Variants in SLC24A5 observed in about 807,000 individuals in gnomAD.
The protein encoded by SLC24A5 is solute carrier family 24 member 5.
Under a neutral mutation model 51.6 loss-of-function variants are expected in SLC24A5, and 46 were observed. The observed-to-expected ratio is 0.89, with a 90% CI of 0.70 to 1.14. SLC24A5 has a LOEUF of 1.14. SLC24A5 is among the 50% of genes most tolerant of loss of function. The probability of loss-of-function intolerance (pLI) is 0.00; values close to 1 mark genes in which losing one functional copy is unlikely to be tolerated. For missense variants in SLC24A5, 581 were observed against 604.1 expected, an observed-to-expected ratio of 0.96 and a Z score of 0.40; for synonymous variants, 230 against 214.9, an observed-to-expected ratio of 1.07 and a Z score of -0.62.
chr15:48,136,702 C>A lies in SLC24A5; in HGVS notation c.610C>A (p.Leu204Ile), dbSNP rs755357663. Residue 204 changes from leucine to isoleucine, a missense_variant, in exon 6 of 9, where the codon CTT becomes ATT. By Grantham distance (5) the Leu-to-Ile change is conservative. Coordinates refer to ENST00000341459, the MANE Select transcript of SLC24A5 (RefSeq NM_205850.3). The part of the protein sequence containing the change: ...QVYWYEGALL[L>I]LIYGLYVLVL... ...TTGTAGGTATGAAGGGGCTTTACTG[C>A]TTTTGATATATGGATTGTATGTTTT... The A allele has an allele frequency of 5.0e-6, 8 of 1,609,574 alleles. No homozygotes were observed. Among genetic ancestry groups the A allele is most frequent in the Non-Finnish European group, 6.8e-6 (8 of 1,177,560 alleles).
chr15:48,141,261 G>T (rs1452856104), intron 8 of SLC24A5, 47 bp downstream of exon 8: 3 of 1,428,186 alleles, frequency 2.1e-6, no homozygotes, highest in Non-Finnish European at 3.0e-6. Flanking sequence ...TACAAGGCTA[G>T]AATGAGTAAA....
chr15:48,126,963 G>A (rs987617424), intron 2 of SLC24A5, among the ~76,000 whole-genome samples: 2 of 152,002 alleles, frequency 1.3e-5, no homozygotes, highest in Admixed American at 6.6e-5. Flanking sequence ...GAGAATCCCC[G>A]GACAGCTGGA....
chr15:48,125,976 A>T (rs1252235199), intron 2 of SLC24A5, among the ~76,000 whole-genome samples: 1 of 152,178 alleles, frequency 6.6e-6, no homozygotes, highest in East Asian at 1.9e-4. Context: ...GAAGACTAGA[A>T]GAGGCTCAGG....
intron 2 of SLC24A5, 22 bp from the exon 3 acceptor site, chr15:48,134,236 C>G: frequency 6.2e-7 from 1 of 1,603,498 alleles, no homozygotes; most frequent in Non-Finnish European, 8.5e-7. Context: ...TTAGGCATAA[C>G]AATCATTTCA....
rs752016920 is a variant in SLC24A5 at position 48,142,186 on chromosome 15, C to T, written c.1338C>T (p.Asn446=). The T allele has an allele frequency of 6.2e-7, 1 of 1,613,836 alleles. No individual in the cohort carries two copies. The highest frequency in any genetic ancestry group is 1.1e-5 in the South Asian group (1 of 91,078). Residue 446 remains asparagine (N), a synonymous_variant, in exon 9 of 9, where the codon AAC becomes AAT. Coordinates refer to ENST00000341459, the MANE Select transcript of SLC24A5 (RefSeq NM_205850.3). ...RGLTYITISL[N]ISIIFLFLAV... is the part of the protein sequence containing the mutation. ...TAACTTACATAACCATCTCTCTCAA[C>T]ATTTCAATTATTTTTCTTTTTTTAG...
chr15:48,121,740 G>T (rs935540197), intron 1 of SLC24A5, 117 bp from the exon 2 acceptor site: 3 of 1,035,850 alleles, frequency 2.9e-6, no homozygotes, highest in Admixed American at 4.4e-5. Flanking sequence ...ATTTTCAGTG[G>T]GTCCTTAAAA....
Position 48,142,551 on chromosome 15 carries a change from G to GT in SLC24A5, c.*203dup. On this transcript the variant is annotated 3_prime_UTR_variant, in exon 9 of 9. Coordinates refer to ENST00000341459, the MANE Select transcript of SLC24A5 (RefSeq NM_205850.3). Reference sequence around the variant, plus strand: ...AAAAATTACATATTATAAAACAGAAGTTTGGGGGGAAAAAATCTATGTTTT... The same window carrying GT: ...AAAAATTACATATTATAAAACAGAAGTTTTGGGGGGAAAAAATCTATGTTTT... The GT allele has an allele frequency of 4.1e-6, 2 of 483,600 alleles. No homozygotes were observed. Among genetic ancestry groups the GT allele is most frequent in the Non-Finnish European group, 7.0e-6 (2 of 284,626 alleles). 30.0% of individuals were successfully genotyped at this position (483,600 alleles called of 1,614,324 possible).
chr15:48,121,190 G>C (rs776393306), intron 1 of SLC24A5, 25 bp downstream of exon 1: 1 of 1,585,692 alleles, frequency 6.3e-7, no homozygotes, highest in Non-Finnish European at 8.6e-7. Context: ...GGGTCAGTTA[G>C]CTCTGCAGCA....
chr15:48,121,229 G>A (rs772673370), intron 1 of SLC24A5, 64 bp downstream of exon 1: 1 of 1,508,916 alleles, frequency 6.6e-7, no homozygotes, highest in Non-Finnish European at 8.9e-7. Context: ...ACCACATACA[G>A]ATGAAGGGAC....
chr15:48,121,721 G>C, intron 1 of SLC24A5, 136 bp from the exon 2 acceptor site: 1 of 874,630 alleles, frequency 1.1e-6, no homozygotes, highest in South Asian at 1.7e-5. Flanking sequence ...ATTCAGAAGC[G>C]CTTTATACAT....
rs766968483 is a variant in SLC24A5, at chr15:48,122,115, C to T, written c.301+79C>T. On this transcript the variant is annotated intron_variant, in intron 2 of 8. Coordinates refer to ENST00000341459, the MANE Select transcript of SLC24A5 (RefSeq NM_205850.3). ...TATGACTGTCTTTGAAATAGCTCAG[C>T]AGCTGTCCTGTACTTCTCAACTGGT... 7 of 1,449,956 alleles carry T rather than the reference C, an allele frequency of 4.8e-6. No homozygotes were observed. In the South Asian group the frequency reaches 8.0e-5, roughly 17 times the overall value. The allele number at this position is 1,449,956 out of a possible 1,614,324, so 89.8% of individuals were successfully genotyped here.
Position 48,136,556 on chromosome 15 carries a change from T to A in SLC24A5, c.591-127T>A, listed in dbSNP as rs2038904938. 5 of 866,620 alleles carry A rather than the reference T, an allele frequency of 5.8e-6. 1 individual carries two copies. In the South Asian group the frequency reaches 1.1e-4, roughly 19 times the overall value. The allele number at this position is 866,620 out of a possible 1,614,324, so 53.7% of individuals were successfully genotyped here. On this transcript the variant is annotated intron_variant, in intron 5 of 8. Coordinates refer to ENST00000341459, the MANE Select transcript of SLC24A5 (RefSeq NM_205850.3). Reference sequence around the variant, plus strand: ...GGACAAATCTACAAAACAAAAAATATCTAGAAATGTTTGATTGTTCTATGG... The same window carrying A: ...GGACAAATCTACAAAACAAAAAATAACTAGAAATGTTTGATTGTTCTATGG...
At chr15:48,141,974 T>C in intron 8 of SLC24A5, 55 bp from the exon 9 acceptor site, 2 of 1,256,412 alleles carry the variant, frequency 1.6e-6, no homozygotes, top group Non-Finnish European at 2.2e-6. Context: ...ATGAAGATTA[T>C]TAATAAAACA....
chr15:48,121,824 C>T (rs1187890427), intron 1 of SLC24A5, 33 bp from the exon 2 acceptor site: 7 of 1,608,872 alleles, frequency 4.4e-6, no homozygotes, highest in East Asian at 2.2e-5. Context: ...TGACTCCAAA[C>T]TCTTCAAACT....
At chr15:48,132,948 T>C (rs2038808029) in intron 2 of SLC24A5, among the ~76,000 whole-genome samples, 1 of 151,892 alleles carries the variant, frequency 6.6e-6, no homozygotes, top group Non-Finnish European at 1.5e-5. Flanking sequence ...AAAAATACCA[T>C]AACTATTATT....
At chr15:48,130,090 GTT>G (rs1474626008) in intron 2 of SLC24A5, among the ~76,000 whole-genome samples, 7 of 152,018 alleles carry the variant, frequency 4.6e-5, no homozygotes, top group Admixed American at 3.3e-4. Context: ...TTACCACGAA[GTT>G]GTACTTTATA....
Position 48,121,905 on chromosome 15 carries a change from G to T in SLC24A5, c.170G>T (p.Gly57Val). The change falls in exon 2 of 9, where the codon GGG becomes GTG. Residue 57 changes from glycine to valine, a missense_variant. Gly to Val is a moderately radical substitution (Grantham distance 109, BLOSUM62 -3). Transcript: ENST00000341459. ...VISPSSEFPE[G>V]FFTRQERRDG... ...TCTCCATCATCGGAGTTTCCCGAAG[G>T]GTTTTTCACGAGACAGGAGCGCAGA... The T allele has an allele frequency of 6.2e-7, 1 of 1,614,060 alleles. No individual in the cohort carries two copies. The highest frequency in any genetic ancestry group is 8.5e-7 in the Non-Finnish European group (1 of 1,180,006).
chr15:48,131,775 A>G (rs549075634), intron 2 of SLC24A5, among the ~76,000 whole-genome samples: 2 of 152,276 alleles, frequency 1.3e-5, no homozygotes, highest in South Asian at 4.1e-4. Context: ...CTCACCCTTC[A>G]CTAGTCACTG....
intron 2 of SLC24A5, chr15:48,124,766 AT>A (rs2038714021): frequency 6.6e-6 from 1 of 152,204 alleles, no homozygotes; most frequent in African/African-American, 2.4e-5. Flanking sequence ...GCAAACATGC[AT>A]TTCTCAAGTG....
Sources: allele counts gnomAD v4.1 joint callset (sites outside exome capture counted in the v4.1 genomes callset), GRCh38; gene constraint gnomAD v4.1.1; transcripts MANE v1.5; gene names NCBI Gene and HGNC (gene_info 2026-07-23, HGNC 2026-07-21).